The following FREM2 variants were observed in gnomAD, a reference collection of about 807,000 sequenced individuals.
The protein encoded by FREM2 is FRAS1 related extracellular matrix 2.
In FREM2, 119 loss-of-function variants were observed where a neutral mutation model predicts 219.9. That is an observed-to-expected ratio of 0.54 (90% confidence interval 0.47 to 0.63). The LOEUF (loss-of-function observed/expected upper bound fraction) is 0.63. Among genes scored for constraint, FREM2 ranks in the 30% least tolerant of loss-of-function variants. The pLI is 0.00. For synonymous variants in FREM2, 1,562 were observed against 1,522.8 expected, an observed-to-expected ratio of 1.03 and a Z score of -0.60; for missense variants, 4,030 against 3,993.6, an observed-to-expected ratio of 1.01 and a Z score of -0.25.
intron 11 of FREM2, 74 bp from the exon 12 acceptor site, chr13:38,856,045 TAAAAAAA>T (rs34182165): frequency 1.3e-4 from 78 of 602,150 alleles, no homozygotes; most frequent in African/African-American, 1.9e-4. Context: ...TAGGCCACAG[TAAAAAAA>T]AAAAAAAAAA....
chr13:38,810,209 T>C (rs1176477273), intron 6 of FREM2, among the ~76,000 whole-genome samples: 1 of 146,954 alleles, frequency 6.8e-6, no homozygotes, highest in African/African-American at 2.6e-5. Flanking sequence ...GTTATAATAT[T>C]TTTGGTCGAA....
chr13:38,872,992 G>A (rs1224588123), intron 17 of FREM2, 58 bp downstream of exon 17: 27 of 1,524,366 alleles, frequency 1.8e-5, no homozygotes, highest in Non-Finnish European at 2.4e-5. Flanking sequence ...AACTATTTAA[G>A]ACGATTTTTT....
At chr13:38,775,413 G>C (rs1042335212) in intron 4 of FREM2, among the ~76,000 whole-genome samples, 1 of 152,172 alleles carries the variant, frequency 6.6e-6, no homozygotes, top group Non-Finnish European at 1.5e-5. Context: ...GAAACTATCA[G>C]TGTGAAGCAT....
chr13:38,860,328 G>C (rs1877715202), intron 14 of FREM2, among the ~76,000 whole-genome samples: 1 of 152,078 alleles, frequency 6.6e-6, no homozygotes, highest in Non-Finnish European at 1.5e-5. Flanking sequence ...AATAGGATGT[G>C]GCTGGGGACA....
chr13:38,854,228 C>A (rs1877476200), intron 11 of FREM2, among the ~76,000 whole-genome samples: 1 of 151,430 alleles, frequency 6.6e-6, no homozygotes, highest in African/African-American at 2.4e-5. Context: ...AACTTGACCA[C>A]CGTCCAGCAA....
At position 38,778,556 on chromosome 13, in the gene FREM2, C is replaced by T. The variant is rs555128040; in HGVS notation, c.5642-4514C>T. On this transcript the variant is annotated intron_variant, in intron 4 of 23. Transcript: ENST00000280481. ...TAGGGCTTCAACATATAATACAGGA[C>T]GAACACAAACATTCAGCCCATAACA... is the stretch of plus-strand genomic sequence containing the variant. Among the ~76,000 whole-genome samples, 109 of 152,124 alleles carry T rather than the reference C, an allele frequency of 7.2e-4. 1 individual carries two copies. Among genetic ancestry groups the T allele is most frequent in the African/African-American group, 2.4e-3 (100 of 41,476 alleles).
intron 2 of FREM2, among the ~76,000 whole-genome samples, chr13:38,737,067 C>T (rs1367250458): frequency 6.6e-6 from 1 of 152,090 alleles, no homozygotes; most frequent in Non-Finnish European, 1.5e-5. Context: ...GAAGCCACTT[C>T]GTGCTCCCCT....
chr13:38,754,428 A>C (rs1251108763), intron 2 of FREM2, among the ~76,000 whole-genome samples: 1 of 152,182 alleles, frequency 6.6e-6, no homozygotes, highest in Admixed American at 6.5e-5. Context: ...TGCAAATAGG[A>C]TATTCACCTA....
chr13:38,745,137 A>C (rs890403762), intron 2 of FREM2, among the ~76,000 whole-genome samples: 1 of 152,226 alleles, frequency 6.6e-6, no homozygotes, highest in African/African-American at 2.4e-5. Context: ...TAAGGAACAC[A>C]TAAGTAGTAT....
intron 6 of FREM2, among the ~76,000 whole-genome samples, chr13:38,826,515 G>A (rs1164887504): frequency 6.6e-6 from 1 of 152,100 alleles, no homozygotes; most frequent in Non-Finnish European, 1.5e-5. Context: ...AACTTGAAAT[G>A]GAGTCGCTTT....
chr13:38,770,001 A>G (rs950321365), intron 4 of FREM2, among the ~76,000 whole-genome samples, 193 bp downstream of exon 4: 1 of 149,464 alleles, frequency 6.7e-6, no homozygotes, highest in Non-Finnish European at 1.5e-5. Context: ...AAAGAATGCT[A>G]TATATGTATA....
intron 3 of FREM2, among the ~76,000 whole-genome samples, chr13:38,769,319 A>G (rs1427374916): frequency 6.6e-6 from 1 of 152,218 alleles, no homozygotes; most frequent in Non-Finnish European, 1.5e-5. Context: ...TTTGACAAGA[A>G]GTTCTAATCC....
At chr13:38,696,636 T>G (rs893224677) in intron 1 of FREM2, among the ~76,000 whole-genome samples, 1 of 152,154 alleles carries the variant, frequency 6.6e-6, no homozygotes, top group Non-Finnish European at 1.5e-5. Context: ...TTTCTTATTA[T>G]GTTGTATGTG....
At chr13:38,857,698 C>T (rs115764867) in intron 12 of FREM2, among the ~76,000 whole-genome samples, 177 bp from the exon 13 acceptor site, 4,971 of 152,258 alleles carry the variant, frequency 0.033, 127 homozygotes, top group Middle Eastern at 0.075. Flanking sequence ...AACAAGGTGC[C>T]AAGGTCATGT....
At chr13:38,781,423 A>T (rs989967126) in intron 4 of FREM2, among the ~76,000 whole-genome samples, 2 of 151,936 alleles carry the variant, frequency 1.3e-5, no homozygotes. Flanking sequence ...CACCCTCAGC[A>T]TATTTTATTT....
intron 9 of FREM2, among the ~76,000 whole-genome samples, chr13:38,850,616 G>A (rs895989500): frequency 6.6e-6 from 1 of 152,216 alleles, no homozygotes; most frequent in African/African-American, 2.4e-5. Flanking sequence ...GGGCAAGGCT[G>A]CTAATCTTGC....
At chr13:38,790,360 C>T (rs1020104117) in intron 6 of FREM2, among the ~76,000 whole-genome samples, 1 of 152,014 alleles carries the variant, frequency 6.6e-6, no homozygotes, top group Non-Finnish European at 1.5e-5. Flanking sequence ...TTAGCTAGTA[C>T]TCTATTTTTT....
chr13:38,864,440 T>A lies in FREM2; in HGVS notation c.7817T>A (p.Ile2606Asn), dbSNP rs775562179. The A allele has an allele frequency of 1.9e-6, 3 of 1,614,124 alleles. No individual in the cohort carries two copies. Among genetic ancestry groups the A allele is most frequent in the Non-Finnish European group, 1.7e-6 (2 of 1,180,012 alleles). The change falls in exon 16 of 24, where the codon ATT becomes AAT. Residue 2606 changes from isoleucine to asparagine, a missense_variant. Ile to Asn is a moderately radical substitution (Grantham distance 149). Transcript: ENST00000280481. The stretch of plus-strand genomic sequence containing the variant: ...GATGCTACCAAAAATCCAGAAATAA[T>A]TGGAGAGACATATCCTTACCAGTAC... ...LTDATKNPEI[I>N]GETYPYQYSL...
At chr13:38,750,106 C>T (rs1872677366) in intron 2 of FREM2, among the ~76,000 whole-genome samples, 1 of 152,128 alleles carries the variant, frequency 6.6e-6, no homozygotes, top group African/African-American at 2.4e-5. Context: ...ACCAAAACTC[C>T]TCCAAGAAAT....
Sources: allele counts gnomAD v4.1 joint callset (sites outside exome capture counted in the v4.1 genomes callset), GRCh38; gene constraint gnomAD v4.1.1; transcripts MANE v1.5; gene names NCBI Gene and HGNC (gene_info 2026-07-23, HGNC 2026-07-21).